PCDHGB1: variants seen among roughly 807,000 people sequenced by gnomAD.
PCDHGB1 encodes protocadherin gamma subfamily B, 1.
In PCDHGB1, 34 loss-of-function variants were observed where a neutral mutation model predicts 56.6. The ratio of observed to expected loss-of-function variants is 0.60; its 90% CI spans 0.46 to 0.80. The LOEUF is 0.80. Among genes scored for constraint, PCDHGB1 ranks in the 30% least tolerant of loss-of-function variants. PCDHGB1 has a pLI of 0.00. For missense variants in PCDHGB1, 1,278 were observed against 1,204.6 expected (o/e 1.06, Z -0.90); for synonymous variants, 561 against 505.9 (o/e 1.11, Z -1.46).
intron 1 of PCDHGB1, among the ~76,000 whole-genome samples, chr5:141,433,482 C>T (rs935076625): frequency 3.3e-5 from 5 of 152,110 alleles, no homozygotes; most frequent in African/African-American, 9.6e-5. Flanking sequence ...TAGCCTCCTG[C>T]TTCTCCCTCC....
At chr5:141,364,571 A>G (rs750353960) in intron 1 of PCDHGB1, 5 of 1,614,012 alleles carry the variant, frequency 3.1e-6, no homozygotes, top group Admixed American at 3.3e-5. Flanking sequence ...GAACCCGCGA[A>G]GCGGCAGCTT....
chr5:141,485,922 G>C lies in PCDHGB1; in HGVS notation c.2410-8885G>C. 6.2e-7 allele frequency: 1 copy of C among 1,614,170 alleles called. No individual in the cohort carries two copies. The highest frequency in any genetic ancestry group is 8.5e-7 in the Non-Finnish European group (1 of 1,180,036). On this transcript the variant is annotated intron_variant, in intron 1 of 3. Transcript: ENST00000523390. This position sits in a 1 kb window ranked among gnomAD's most constrained non-coding sequence, Gnocchi z 5.7. The stretch of plus-strand genomic sequence containing the variant: ...TTCCAGCAATCCAGCTACAGGATTA[G>C]TGTGTTGGAGAGCGCACCAGCGGGC...
chr5:141,381,826 C>CTTTTTTTTTTTT (rs770630741), intron 1 of PCDHGB1, among the ~76,000 whole-genome samples: 14 of 74,282 alleles, frequency 1.9e-4, no homozygotes, highest in Admixed American at 5.8e-4. Context: ...CTTTCTTCTT[C>CTTTTTTTTTTTT]TTTTTTTTTT....
intron 1 of PCDHGB1, chr5:141,399,270 A>G (rs1318152877): frequency 1.2e-6 from 2 of 1,613,854 alleles, no homozygotes; most frequent in African/African-American, 1.3e-5. Flanking sequence ...TTAATTGTCA[A>G]TTACAAGGCG....
intron 1 of PCDHGB1, chr5:141,413,452 AGGATAGACC>A (rs2095643065): frequency 6.2e-7 from 1 of 1,614,124 alleles, no homozygotes; most frequent in Admixed American, 1.7e-5. Context: ...CACCGCGGGC[AGGATAGACC>A]GGGAGGAGCT....
chr5:141,377,182 A>G (rs958059395), intron 1 of PCDHGB1: 9 of 152,144 alleles, frequency 5.9e-5, no homozygotes, highest in Non-Finnish European at 8.8e-5. Flanking sequence ...TTCTTGGCAA[A>G]CTATTTGTGT....
Position 141,351,781 on chromosome 5 carries a change from C to G in PCDHGB1, c.1521C>G (p.Ser507Arg), listed in dbSNP as rs1758819657. 5 of 1,613,322 alleles carry G rather than the reference C, an allele frequency of 3.1e-6. No individual in the cohort carries two copies. Among genetic ancestry groups the G allele is most frequent in the African/African-American group, 1.3e-5 (1 of 74,950 alleles). The change falls in exon 1 of 4, where the codon AGC (serine) becomes AGG (arginine). Residue 507 changes from serine (S) to arginine (R), a missense_variant. By Grantham distance (110) the Ser-to-Arg change is moderately radical. Transcript: ENST00000523390. ...LLSYVSVSPQ[S>R]GVVFAQRAFD... The stretch of plus-strand genomic sequence containing the variant: ...CCTACGTGTCCGTGAGCCCGCAGAG[C>G]GGGGTGGTGTTCGCGCAGCGCGCCT...
At chr5:141,372,507 C>T (rs1393188281) in intron 1 of PCDHGB1, 2 of 1,614,044 alleles carry the variant, frequency 1.2e-6, no homozygotes, top group Admixed American at 3.3e-5. Context: ...GCTCTTCCTC[C>T]TCGCGGTGAT....
chr5:141,380,771 A>G (rs1337028514), intron 1 of PCDHGB1, among the ~76,000 whole-genome samples: 1 of 152,198 alleles, frequency 6.6e-6, no homozygotes, highest in Non-Finnish European at 1.5e-5. Context: ...ATTAATTGAG[A>G]CTTTTTTAAA....
At chr5:141,384,795 G>C (rs763067876) in intron 1 of PCDHGB1, 1 of 1,613,482 alleles carries the variant, frequency 6.2e-7, no homozygotes, top group South Asian at 1.1e-5. Context: ...CTCGGGCCCT[G>C]CTGGACAGAG....
intron 1 of PCDHGB1, chr5:141,419,710 C>T: frequency 6.2e-7 from 1 of 1,613,168 alleles, no homozygotes; most frequent in South Asian, 1.1e-5. Context: ...CCGGGCTCTT[C>T]AGCCTGGGGC....
At position 141,376,756 on chromosome 5, in the gene PCDHGB1, G is replaced by C. The variant is rs1049941497; in HGVS notation, c.2409+24087G>C. The stretch of plus-strand genomic sequence containing the variant: ...CTGCGGACTGCAGTGGCGCAATCTC[G>C]GCTCACTGCAAGCTCCGCTTCCCGG... On this transcript the variant is annotated intron_variant, in intron 1 of 3. Transcript: ENST00000523390. 3.1e-5 allele frequency: 14 copies of C among 448,188 alleles called. No individual in the cohort carries two copies. The Admixed American group carries it at 4.2e-4, about 14-fold the overall frequency. The allele number at this position is 448,188 out of a possible 1,614,324, so 27.8% of individuals were successfully genotyped here. A position where few individuals can be genotyped will look rare whatever the true frequency, so the allele number is the denominator to read the frequency against.
chr5:141,490,467 C>T lies in PCDHGB1; in HGVS notation c.2410-4340C>T. ...AGAACCACTACTCGCTGCTAACCAG[C>T]CAGCCTTTGGACCGGGAGGCCACAT... is the stretch of plus-strand genomic sequence containing the variant. On this transcript the variant is annotated intron_variant, in intron 1 of 3. Transcript: ENST00000523390. This position sits in a 1 kb window ranked among gnomAD's most constrained non-coding sequence, Gnocchi z 5.4. The T allele has an allele frequency of 6.2e-7, 1 of 1,614,216 alleles. No individual in the cohort carries two copies. The highest frequency in any genetic ancestry group is 8.5e-7 in the Non-Finnish European group (1 of 1,180,040).
At chr5:141,413,687 T>C (rs1470256826) in intron 1 of PCDHGB1, 1 of 1,613,784 alleles carries the variant, frequency 6.2e-7, no homozygotes, top group South Asian at 1.1e-5. Flanking sequence ...GTGAACTCCC[T>C]GCAGAGCTAT....
At chr5:141,362,746 G>A (rs1247089931) in intron 1 of PCDHGB1, 1 of 702,364 alleles carries the variant, frequency 1.4e-6, no homozygotes, top group East Asian at 2.7e-5. Flanking sequence ...ACCCATGATT[G>A]CAAACCTTTA....
At chr5:141,436,074 G>A (rs1048063491) in intron 1 of PCDHGB1, among the ~76,000 whole-genome samples, 3 of 152,058 alleles carry the variant, frequency 2.0e-5, no homozygotes, top group Non-Finnish European at 4.4e-5. Context: ...TAAGTACAGT[G>A]TTCTATAGGT....
At chr5:141,380,354 T>G (rs1776410216) in intron 1 of PCDHGB1, among the ~76,000 whole-genome samples, 1 of 152,154 alleles carries the variant, frequency 6.6e-6, no homozygotes, top group Admixed American at 6.5e-5. Context: ...TTGTTGTTTG[T>G]TTTTTAGAAA....
intron 1 of PCDHGB1, among the ~76,000 whole-genome samples, chr5:141,461,001 A>G (rs1309762345): frequency 4.0e-5 from 6 of 150,320 alleles, no homozygotes; most frequent in South Asian, 4.2e-4. Context: ...ATATATGTGT[A>G]TATATATATA....
At chr5:141,371,610 A>C in intron 1 of PCDHGB1, 1 of 1,614,006 alleles carries the variant, frequency 6.2e-7, no homozygotes, top group Non-Finnish European at 8.5e-7. Context: ...CAGGTTGGTG[A>C]CAGATGGAGC....
Sources: gnomAD v4.1 joint callset for allele counts (sites outside exome capture counted in the v4.1 genomes callset) on GRCh38, gnomAD v4.1.1 for gene constraint, Gnocchi (gnomAD v3.1) non-coding constraint, MANE v1.5 for transcripts, NCBI Gene and HGNC (gene_info 2026-07-23, HGNC 2026-07-21) for gene names.